MAGI2: variants seen among roughly 807,000 people sequenced by gnomAD.
The protein encoded by MAGI2 is membrane-associated guanylate kinase, WW and PDZ domain-containing protein 2.
MAGI2 carries 35 observed loss-of-function variants against 133.3 expected under a neutral mutation model. The ratio of observed to expected loss-of-function variants is 0.26; its 90% CI spans 0.20 to 0.35. The LOEUF (loss-of-function observed/expected upper bound fraction) is 0.35, where lower values mean the gene tolerates loss of function less well. Ranked by LOEUF, MAGI2 falls within the 10% of genes least tolerant of loss-of-function variation. The pLI, the probability that MAGI2 is intolerant of heterozygous loss-of-function variation, is 1.00. For synonymous variants in MAGI2, 729 were observed against 710.6 expected, an observed-to-expected ratio of 1.03 and a Z score of -0.41; for missense variants, 1,636 against 1,863.4, an observed-to-expected ratio of 0.88 and a Z score of 2.25.
At chr7:78,804,966 G>A (rs1788440190) in intron 2 of MAGI2, among the ~76,000 whole-genome samples, 1 of 151,334 alleles carries the variant, frequency 6.6e-6, no homozygotes, top group Non-Finnish European at 1.5e-5. Flanking sequence ...AACTTGGGAG[G>A]CTGAGGCAGG....
chr7:78,962,897 A>G (rs1455722831), intron 2 of MAGI2, among the ~76,000 whole-genome samples: 1 of 152,050 alleles, frequency 6.6e-6, no homozygotes, highest in Non-Finnish European at 1.5e-5. Flanking sequence ...GTTTAACTGG[A>G]AAGAAAAAAA....
chr7:78,704,949 C>T (rs770498730), intron 2 of MAGI2, among the ~76,000 whole-genome samples: 16 of 151,960 alleles, frequency 1.1e-4, no homozygotes, highest in Non-Finnish European at 1.8e-4. Context: ...GGGAGCTAAA[C>T]ACTGAGTACA....
intron 9 of MAGI2, among the ~76,000 whole-genome samples, chr7:78,257,848 A>G (rs563878185): frequency 3.3e-5 from 5 of 152,310 alleles, no homozygotes; most frequent in Non-Finnish European, 7.4e-5. Context: ...TCAGTTTATC[A>G]GAATAATTCT....
intron 2 of MAGI2, chr7:78,904,298 T>C (rs1797836477): frequency 6.6e-6 from 1 of 152,108 alleles, no homozygotes; most frequent in Non-Finnish European, 1.5e-5. Context: ...ATATGGAATA[T>C]AACATTAGGC....
At chr7:78,507,358 A>G (rs78699186) in intron 4 of MAGI2, among the ~76,000 whole-genome samples, 2,770 of 152,300 alleles carry the variant, frequency 0.018, 78 homozygotes, top group African/African-American at 0.064. Context: ...GAACCAGGGC[A>G]GGGCTTCCAT....
At chr7:78,407,959 C>T (rs935877967) in intron 6 of MAGI2, among the ~76,000 whole-genome samples, 3 of 151,874 alleles carry the variant, frequency 2.0e-5, no homozygotes, top group Admixed American at 6.6e-5. Context: ...AGGAAATAAG[C>T]CAAGAAGCAT....
intron 1 of MAGI2, among the ~76,000 whole-genome samples, chr7:79,051,838 T>C (rs1206550271): frequency 6.6e-6 from 1 of 152,164 alleles, no homozygotes; most frequent in Non-Finnish European, 1.5e-5. Flanking sequence ...TTTAAACATA[T>C]TATTTAAATA....
chr7:78,648,887 C>T (rs115112665), intron 2 of MAGI2, among the ~76,000 whole-genome samples: 310 of 152,244 alleles, frequency 2.0e-3, no homozygotes, highest in African/African-American at 6.9e-3. Context: ...CTGCTGATGT[C>T]AATCTAAGAT....
chr7:78,502,301 G>A (rs1286795487), intron 4 of MAGI2, among the ~76,000 whole-genome samples: 4 of 152,138 alleles, frequency 2.6e-5, no homozygotes, highest in African/African-American at 9.7e-5. Context: ...ACTAAATCAT[G>A]GTCAAAGAGA....
intron 2 of MAGI2, among the ~76,000 whole-genome samples, chr7:78,923,908 A>C (rs1383341530): frequency 6.6e-6 from 1 of 152,048 alleles, no homozygotes; most frequent in Non-Finnish European, 1.5e-5. Flanking sequence ...GAGGTCTTTC[A>C]CGTCCCTTGT....
At chr7:78,876,275 T>C (rs2151533029) in intron 2 of MAGI2, among the ~76,000 whole-genome samples, 2 of 124,010 alleles carry the variant, frequency 1.6e-5, no homozygotes, top group South Asian at 5.1e-4. Flanking sequence ...TGAGCCGAGA[T>C]CACGCCACTG....
chr7:78,938,037 TTAAA>T (rs145548522), intron 2 of MAGI2, among the ~76,000 whole-genome samples: 5,268 of 152,168 alleles, frequency 0.035, 285 homozygotes, highest in African/African-American at 0.11. Flanking sequence ...TCTAGACAGT[TTAAA>T]TATTGTATGG....
At chr7:78,165,698 C>T (rs1563204603) in intron 15 of MAGI2, among the ~76,000 whole-genome samples, 1 of 152,184 alleles carries the variant, frequency 6.6e-6, no homozygotes, top group Non-Finnish European at 1.5e-5. Flanking sequence ...TTGGAACCAT[C>T]CACTCCTAAG....
chr7:78,885,628 AGT>A (rs61111430), intron 2 of MAGI2, among the ~76,000 whole-genome samples: 2,996 of 148,946 alleles, frequency 0.02, 32 homozygotes, highest in Non-Finnish European at 0.022. Flanking sequence ...TGAAAGGAAT[AGT>A]GTGTGTGTGT....
intron 2 of MAGI2, among the ~76,000 whole-genome samples, chr7:78,635,751 G>A (rs1264602195): frequency 1.3e-5 from 2 of 152,118 alleles, no homozygotes; most frequent in Admixed American, 6.5e-5. Context: ...ACTTAAGTTG[G>A]TCACAGTTAC....
chr7:78,183,616 G>A (rs1214079817), intron 13 of MAGI2, among the ~76,000 whole-genome samples: 4 of 152,078 alleles, frequency 2.6e-5, no homozygotes, highest in Admixed American at 6.6e-5. Context: ...CCAAGCTAGA[G>A]TGCAGTGGTG....
rs1022693779 is a variant in MAGI2, at chr7:78,704,910, A to C, written c.419-77671T>G. 4.0e-5 allele frequency among the ~76,000 whole-genome samples: 6 copies of C among 151,690 alleles called. No homozygotes were observed. In the South Asian group the frequency reaches 1.2e-3, roughly 32 times the overall value. On this transcript the variant is annotated intron_variant, in intron 2 of 21. Coordinates refer to ENST00000354212, the MANE Select transcript of MAGI2 (RefSeq NM_012301.4). ...AGTGAACAAATACAGGAACAGAAAA[A>C]CAAATACTGCAGGTTCTCACTTGTA...
intron 2 of MAGI2, among the ~76,000 whole-genome samples, chr7:78,791,421 C>T (rs1827230663): frequency 2.0e-5 from 3 of 151,714 alleles, no homozygotes; most frequent in Admixed American, 6.6e-5. Context: ...GTTAGAATTA[C>T]GAATGAAAAG....
intron 21 of MAGI2, among the ~76,000 whole-genome samples, chr7:78,028,493 C>G (rs1461225489): frequency 6.6e-6 from 1 of 152,154 alleles, no homozygotes; most frequent in African/African-American, 2.4e-5. Context: ...CTTCTATGTA[C>G]TAGGAACTCT....
Sources: gnomAD v4.1 joint callset for allele counts (sites outside exome capture counted in the v4.1 genomes callset) on GRCh38, gnomAD v4.1.1 for gene constraint, MANE v1.5 for transcripts, NCBI Gene and HGNC (gene_info 2026-07-23, HGNC 2026-07-21) for gene names.